Variants in MBIP observed in about 807,000 individuals in gnomAD.
MBIP encodes MAP3K12 binding inhibitory protein 1, also known as MAP3K12-binding inhibitory protein 1.
A neutral mutation model predicts 45.7 loss-of-function variants in MBIP; 32 were observed. The ratio of observed to expected loss-of-function variants is 0.70; its 90% CI spans 0.53 to 0.94. MBIP has a LOEUF of 0.94. Among genes scored for constraint, MBIP ranks in the 40% least tolerant of loss-of-function variants. The pLI is 0.00. For synonymous variants in MBIP, 145 were observed against 141.0 expected, an observed-to-expected ratio of 1.03 and a Z score of -0.20; for missense variants, 381 against 405.5, an observed-to-expected ratio of 0.94 and a Z score of 0.52.
At chr14:36,310,277 T>C (rs993193401) in intron 6 of MBIP, among the ~76,000 whole-genome samples, 5 of 152,220 alleles carry the variant, frequency 3.3e-5, no homozygotes, top group African/African-American at 2.4e-5. Flanking sequence ...TAGCTTCAGA[T>C]AGCTAGTATA....
chr14:36,311,799 T>C, intron 5 of MBIP, 74 bp from the exon 6 acceptor site: 2 of 1,333,830 alleles, frequency 1.5e-6, no homozygotes, highest in Non-Finnish European at 2.1e-6. Flanking sequence ...TTAACAGCAC[T>C]TTATATTTTT....
In MBIP at chr14:36,306,788, T is replaced by A. The variant is rs140542827; in HGVS notation, c.888+1304A>T. Among the ~76,000 whole-genome samples the A allele has an allele frequency of 2.0e-5, 3 of 152,340 alleles. No individual in the cohort carries two copies. The South Asian group carries it at 6.2e-4, about 32-fold the overall frequency. On this transcript the variant is annotated intron_variant, in intron 7 of 8. Coordinates refer to ENST00000416007, the MANE Select transcript of MBIP (RefSeq NM_016586.3). Reference sequence around the variant, plus strand: ...AGGCAGTTAGAATGGGAAAAACTTATGGTAGACTACTGTAGGAAAAGTCAT... The same window carrying A: ...AGGCAGTTAGAATGGGAAAAACTTAAGGTAGACTACTGTAGGAAAAGTCAT...
rs149685675 is a variant in MBIP, at chr14:36,314,532, T to C, written c.551A>G (p.Asn184Ser). ...GTTACCTTGATTACAATCAATAACA[T>C]TGCAAAATTCCCTGACGTTGTTTTC... ...INENNVREFC[N>S]VIDCNQENSC... Residue 184 changes from asparagine to serine, a missense_variant, in exon 4 of 9, where the codon AAT becomes AGT. By Grantham distance (46) the Asn-to-Ser change is conservative (BLOSUM62 1). Coordinates refer to ENST00000416007, the MANE Select transcript of MBIP (RefSeq NM_016586.3). 518 of 1,609,504 alleles carry C rather than the reference T, an allele frequency of 3.2e-4. 3 individuals carry two copies. Among genetic ancestry groups the C allele is most frequent in the Admixed American group, 3.2e-4 (19 of 59,312 alleles).
chr14:36,300,633 C>T, intron 8 of MBIP, 152 bp downstream of exon 8: 1 of 480,028 alleles, frequency 2.1e-6, no homozygotes, highest in Non-Finnish European at 3.7e-6. Context: ...TTTTTCTATT[C>T]AACTGTATTA....
rs777509253 is a variant in MBIP, at chr14:36,299,087, G to A, written c.1031C>T (p.Pro344Leu). 2 of 1,612,904 alleles carry A rather than the reference G, an allele frequency of 1.2e-6. No homozygotes were observed. The highest frequency in any genetic ancestry group is 1.7e-6 in the Non-Finnish European group (2 of 1,179,076). ...EAESMATHHL[P>L] ...GACAAGGATGAGAGGAGTTTTTCAT[G>A]GAAGGTGGTGGGTTGCCATGGATTC... Residue 344 changes from proline to leucine, a missense_variant, in exon 9 of 9, where the codon CCA (proline) becomes CTA (leucine). By Grantham distance (98) the Pro-to-Leu change is moderately conservative. Coordinates refer to ENST00000416007, the MANE Select transcript of MBIP (RefSeq NM_016586.3).
At chr14:36,300,844 T>C in intron 7 of MBIP, 21 bp from the exon 8 acceptor site, 1 of 1,371,796 alleles carries the variant, frequency 7.3e-7, no homozygotes, top group Non-Finnish European at 1.0e-6. Context: ...AAAAAAAAGG[T>C]AATGTTTAGA....
rs1453200122 is a variant in MBIP, at chr14:36,319,018, T to C, written c.129+1442A>G. Among the ~76,000 whole-genome samples the C allele has an allele frequency of 2.0e-5, 3 of 152,254 alleles. No individual in the cohort carries two copies. In the East Asian group the frequency reaches 5.8e-4, roughly 29 times the overall value. ...TGGTAAAGTAACCAAATATTTACTG[T>C]GAACATTTTTGACAGGTGACATAAG... is the stretch of plus-strand genomic sequence containing the variant. On this transcript the variant is annotated intron_variant, in intron 1 of 8. Coordinates refer to ENST00000416007, the MANE Select transcript of MBIP (RefSeq NM_016586.3).
Position 36,314,832 on chromosome 14 carries a change from G to T in MBIP, c.333C>A (p.Asn111Lys). 1 of 1,613,114 alleles carries T rather than the reference G, an allele frequency of 6.2e-7. No individual in the cohort carries two copies. Among genetic ancestry groups the T allele is most frequent in the South Asian group, 1.1e-5 (1 of 91,062 alleles). Residue 111 changes from asparagine to lysine, a missense_variant, in exon 3 of 9, where the codon AAC (asparagine) becomes AAA (lysine). Transcript: ENST00000416007. ...VEEIGRTEMG[N>K]KNEVNDKFSI... ...AAAATTTGTCATTTACTTCATTTTT[G>T]TTCCCCATTTCTGTTCTTCCTATCT... is the stretch of plus-strand genomic sequence containing the variant.
chr14:36,313,131 C>T (rs1880308644), intron 4 of MBIP, among the ~76,000 whole-genome samples: 3 of 150,260 alleles, frequency 2.0e-5, no homozygotes, highest in Admixed American at 2.0e-4. Flanking sequence ...ACTAAATAGA[C>T]ATCTTTCCTC....
chr14:36,300,739 C>T, intron 8 of MBIP, 46 bp downstream of exon 8: 1 of 1,403,410 alleles, frequency 7.1e-7, no homozygotes, highest in Admixed American at 2.2e-5. Context: ...AGGTATAAAA[C>T]TAATCAAACT....
At chr14:36,312,063 C>A in intron 4 of MBIP, 39 bp from the exon 5 acceptor site, 1 of 1,174,654 alleles carries the variant, frequency 8.5e-7, no homozygotes, top group Non-Finnish European at 1.2e-6. Context: ...TAAATATATT[C>A]TTCCCTTCAA....
chr14:36,311,795 G>A, intron 5 of MBIP, 70 bp from the exon 6 acceptor site: 1 of 1,353,194 alleles, frequency 7.4e-7, no homozygotes, highest in Non-Finnish European at 1.0e-6. Flanking sequence ...TTCCTTAACA[G>A]CACTTTATAT....
chr14:36,307,989 T>C (rs1289181851), intron 7 of MBIP, 103 bp downstream of exon 7: 3 of 623,892 alleles, frequency 4.8e-6, no homozygotes, highest in South Asian at 2.2e-5. Flanking sequence ...TTTGAATTAT[T>C]AAAATAGTGT....
Position 36,311,559 on chromosome 14 carries a change from A to G in MBIP, c.790+14T>C. ...AAAGGTTCATTATGAGGTGCCACTT[A>G]GCACTTTGCTTACCTGTCTGTAACC... On this transcript the variant is annotated intron_variant, in intron 6 of 8. Coordinates refer to ENST00000416007, the MANE Select transcript of MBIP (RefSeq NM_016586.3). The G allele has an allele frequency of 6.3e-7, 1 of 1,594,666 alleles. No homozygotes were observed. Among genetic ancestry groups the G allele is most frequent in the Non-Finnish European group, 8.5e-7 (1 of 1,169,790 alleles).
At chr14:36,311,895 A>G (rs1486712904) in intron 5 of MBIP, 64 bp downstream of exon 5, 1 of 1,317,258 alleles carries the variant, frequency 7.6e-7, no homozygotes, top group African/African-American at 1.5e-5. Flanking sequence ...AGTTATTTCT[A>G]TTCCATTTTG....
intron 2 of MBIP, 111 bp from the exon 3 acceptor site, chr14:36,315,026 T>C: frequency 1.5e-6 from 1 of 672,216 alleles, no homozygotes; most frequent in Non-Finnish European, 2.5e-6. Flanking sequence ...TAATATCAGT[T>C]AATAAATATA....
intron 1 of MBIP, chr14:36,319,622 C>A (rs1402439663): frequency 2.3e-6 from 1 of 427,528 alleles, no homozygotes; most frequent in Non-Finnish European, 4.7e-6. Flanking sequence ...TGTCCACTTG[C>A]GCTAGTACCA....
chr14:36,316,554 G>A (rs953678204), intron 2 of MBIP, 139 bp downstream of exon 2: 2 of 789,300 alleles, frequency 2.5e-6, no homozygotes, highest in Non-Finnish European at 3.9e-6. Flanking sequence ...AACAGATTTA[G>A]ATTAAATCCG....
chr14:36,320,419 G>T, intron 1 of MBIP, 41 bp downstream of exon 1: 3 of 1,612,982 alleles, frequency 1.9e-6, no homozygotes, highest in Non-Finnish European at 2.5e-6. Flanking sequence ...AGGAGGGACC[G>T]GATGGTTTCC....
Sources: gnomAD v4.1 joint callset for allele counts (sites outside exome capture counted in the v4.1 genomes callset) on GRCh38, gnomAD v4.1.1 for gene constraint, MANE v1.5 for transcripts, NCBI Gene and HGNC (gene_info 2026-07-23, HGNC 2026-07-21) for gene names.